NRG1: variants seen among roughly 807,000 people sequenced by gnomAD.
NRG1 encodes the protein neuregulin 1.
A neutral mutation model predicts 63.8 loss-of-function variants in NRG1; 18 were observed. The observed-to-expected ratio is 0.28, with a 90% confidence interval of 0.19 to 0.42. NRG1 has a LOEUF of 0.42. Ranked by LOEUF, NRG1 falls within the 10% of genes least tolerant of loss-of-function variation. NRG1 has a pLI of 1.00. For missense variants in NRG1, 762 were observed against 814.7 expected (o/e 0.94, Z 0.79); for synonymous variants, 302 against 301.3 (o/e 1.00, Z -0.02).
At chr8:32,090,058 A>ACTT (rs1044783240) in intron 1 of NRG1, among the ~76,000 whole-genome samples, 15 of 152,312 alleles carry the variant, frequency 9.8e-5, no homozygotes, top group African/African-American at 3.6e-4. Flanking sequence ...TATTGACAAG[A>ACTT]GCATAAATCT....
At chr8:32,531,944 A>C (rs2129518026) in intron 1 of NRG1, among the ~76,000 whole-genome samples, 1 of 152,310 alleles carries the variant, frequency 6.6e-6, no homozygotes, top group Non-Finnish European at 1.5e-5. Context: ...GACCAACATA[A>C]GCATGTTTAA....
chr8:32,020,488 C>A (rs1274787573), intron 1 of NRG1, among the ~76,000 whole-genome samples: 1 of 151,986 alleles, frequency 6.6e-6, no homozygotes, highest in Non-Finnish European at 1.5e-5. Flanking sequence ...TGCTTTATTG[C>A]AATGCTTCAT....
At chr8:32,268,685 G>C (rs905978273) in intron 1 of NRG1, among the ~76,000 whole-genome samples, 3 of 152,124 alleles carry the variant, frequency 2.0e-5, no homozygotes, top group Admixed American at 2.0e-4. Context: ...GTCTCTATGA[G>C]GCAGTTCCTT....
chr8:32,140,877 C>T (rs1836161031), intron 1 of NRG1, among the ~76,000 whole-genome samples: 1 of 152,116 alleles, frequency 6.6e-6, no homozygotes, highest in South Asian at 2.1e-4. Flanking sequence ...TTTCTCTGCA[C>T]TTTGTTAGAA....
chr8:32,022,956 G>C (rs535552417), intron 1 of NRG1, among the ~76,000 whole-genome samples: 3 of 152,232 alleles, frequency 2.0e-5, no homozygotes, highest in Non-Finnish European at 4.4e-5. Context: ...ATTTGTTTCA[G>C]CACAACCTTT....
At chr8:31,952,298 A>G (rs1291947313) in intron 1 of NRG1, among the ~76,000 whole-genome samples, 2 of 152,246 alleles carry the variant, frequency 1.3e-5, no homozygotes, top group African/African-American at 2.4e-5. Flanking sequence ...CTTATTACAA[A>G]TCAAATCATA....
At position 32,144,500 on chromosome 8, in the gene NRG1, A is replaced by G. The variant is rs115821791; in HGVS notation, c.38-451328A>G. Among the ~76,000 whole-genome samples, 438 of 152,280 alleles carry G rather than the reference A, an allele frequency of 2.9e-3. 3 individuals are homozygous for G. The highest frequency in any genetic ancestry group is 0.01 in the African/African-American group (423 of 41,566). ...TGGCCAGAGGTTTGCCTAAATTCTC[A>G]TAAGTCCATTACTGTTCTTCTATAA... is the stretch of plus-strand genomic sequence containing the variant. On this transcript the variant is annotated intron_variant, in intron 1 of 10. Coordinates refer to the NRG1 transcript ENST00000519301.
chr8:32,432,778 G>A (rs1401199431), intron 1 of NRG1, among the ~76,000 whole-genome samples: 4 of 152,022 alleles, frequency 2.6e-5, no homozygotes, highest in South Asian at 2.1e-4. Context: ...GTGAGCCACC[G>A]CACCCAGCCA....
chr8:32,087,883 C>A (rs1339889525), intron 1 of NRG1, among the ~76,000 whole-genome samples: 1 of 152,120 alleles, frequency 6.6e-6, no homozygotes, highest in African/African-American at 2.4e-5. Context: ...CAGGCACATC[C>A]ACATTGTCGC....
intron 1 of NRG1, among the ~76,000 whole-genome samples, chr8:32,264,884 C>T (rs992298190): frequency 1.2e-4 from 18 of 151,636 alleles, no homozygotes; most frequent in East Asian, 1.9e-4. Context: ...TCAACAGGGA[C>T]TTGAAGGCTG....
At chr8:31,908,665 CTTGCCAAAATATTATGTAAATA>C (rs1415182863) in intron 1 of NRG1, among the ~76,000 whole-genome samples, 1 of 152,156 alleles carries the variant, frequency 6.6e-6, no homozygotes, top group East Asian at 1.9e-4. Flanking sequence ...AACAAGTTAA[CTTGCCAAAATATTATGTAAATA>C]TTGCCAAAAT....
Position 32,670,584 on chromosome 8 carries a change from G to C in NRG1, c.502+53699G>C, listed in dbSNP as rs138969045. ...AACAGGGAAACATATCAAGATATTAGAAGACGTCAATGTTATATATGCAGA... is the reference window on the plus strand; with the variant it reads ...AACAGGGAAACATATCAAGATATTACAAGACGTCAATGTTATATATGCAGA... On this transcript the variant is annotated intron_variant, in intron 5 of 11. Transcript: ENST00000356819. Among the ~76,000 whole-genome samples the C allele has an allele frequency of 4.3e-3, 661 of 152,284 alleles. 8 individuals carry two copies. The highest frequency in any genetic ancestry group is 0.015 in the African/African-American group (644 of 41,560).
chr8:32,053,197 G>A (rs1313841689), intron 1 of NRG1, among the ~76,000 whole-genome samples: 1 of 152,148 alleles, frequency 6.6e-6, no homozygotes, highest in African/African-American at 2.4e-5. Context: ...CTCTAGAAAT[G>A]ATGCTCTGTG....
chr8:31,738,929 A>G (rs1375117147), intron 1 of NRG1, among the ~76,000 whole-genome samples: 1 of 152,036 alleles, frequency 6.6e-6, no homozygotes, highest in East Asian at 1.9e-4. Flanking sequence ...CATCTGCCAC[A>G]AATTTATTTC....
At chr8:32,289,125 T>C (rs1263877012) in intron 1 of NRG1, among the ~76,000 whole-genome samples, 1 of 152,212 alleles carries the variant, frequency 6.6e-6, no homozygotes, top group African/African-American at 2.4e-5. Context: ...AAAAATTGAG[T>C]CTTTCTTAAC....
At chr8:32,613,190 G>A (rs1846678918) in intron 3 of NRG1, among the ~76,000 whole-genome samples, 1 of 151,980 alleles carries the variant, frequency 6.6e-6, no homozygotes, top group South Asian at 2.1e-4. Context: ...TTGATGTATT[G>A]AAACCAAGCT....
chr8:32,292,844 G>C (rs368069824), intron 1 of NRG1, among the ~76,000 whole-genome samples: 1 of 152,208 alleles, frequency 6.6e-6, no homozygotes, highest in African/African-American at 2.4e-5. Context: ...GGTGGCTCAC[G>C]CCTGTAATCC....
intron 1 of NRG1, among the ~76,000 whole-genome samples, chr8:32,412,449 T>A (rs377656769): frequency 1.6e-5 from 1 of 61,384 alleles, no homozygotes; most frequent in Non-Finnish European, 3.6e-5. Flanking sequence ...TATATATATA[T>A]ATACATATAT....
At chr8:32,675,760 T>C (rs1048327200) in intron 5 of NRG1, among the ~76,000 whole-genome samples, 1 of 152,194 alleles carries the variant, frequency 6.6e-6, no homozygotes, top group African/African-American at 2.4e-5. Context: ...AGAGAACTAT[T>C]ACAAACACGC....
Sources: gnomAD v4.1 joint callset for allele counts (sites outside exome capture counted in the v4.1 genomes callset) on GRCh38, gnomAD v4.1.1 for gene constraint, MANE v1.5 for transcripts, NCBI Gene and HGNC (gene_info 2026-07-23, HGNC 2026-07-21) for gene names.